The following RBFOX1 variants were observed in gnomAD, a reference collection of about 807,000 sequenced individuals.
RBFOX1 encodes RNA binding fox-1 homolog 1, also known as RNA binding protein fox-1 homolog 1.
Under a neutral mutation model 57.7 loss-of-function variants are expected in RBFOX1, and 8 were observed. That is an observed-to-expected ratio of 0.14 (90% CI 0.08 to 0.25). The LOEUF (loss-of-function observed/expected upper bound fraction) is 0.25, where lower values mean the gene tolerates loss of function less well. Ranked by LOEUF, RBFOX1 falls within the 10% of genes least tolerant of loss-of-function variation. RBFOX1 has a pLI of 1.00. For missense variants in RBFOX1, 611 were observed against 548.5 expected, an observed-to-expected ratio of 1.11 and a Z score of -1.14; for synonymous variants, 326 against 222.4, an observed-to-expected ratio of 1.47 and a Z score of -4.15.
In RBFOX1 at chr16:5,409,821, G is replaced by A. The variant is rs530907286; in HGVS notation, c.220-57395G>A. On this transcript the variant is annotated intron_variant, in intron 1 of 2. Coordinates refer to the RBFOX1 transcript ENST00000585867. ...TCCCAGCACTTTGGGAGGCCGAGGT[G>A]GGCAGATCATGAGGTCAGGAGTTCG... 3.9e-5 allele frequency among the ~76,000 whole-genome samples: 6 copies of A among 152,016 alleles called. No homozygotes were observed. In the East Asian group the frequency reaches 9.7e-4, roughly 25 times the overall value.
intron 4 of RBFOX1, among the ~76,000 whole-genome samples, chr16:7,052,755 A>G (rs1359613781): frequency 3.9e-5 from 6 of 152,142 alleles, no homozygotes; most frequent in Non-Finnish European, 8.8e-5. Context: ...GTCAGAGTGG[A>G]CATTCTTCTT....
intron 2 of RBFOX1, among the ~76,000 whole-genome samples, chr16:6,511,959 G>T (rs193286555): frequency 4.9e-4 from 74 of 152,110 alleles, no homozygotes; most frequent in African/African-American, 1.7e-3. Context: ...GTCTTTCCCT[G>T]AGACTTACCC....
intron 3 of RBFOX1, among the ~76,000 whole-genome samples, chr16:6,976,302 T>C (rs143404135): frequency 9.3e-4 from 141 of 152,268 alleles, no homozygotes; most frequent in Non-Finnish European, 1.2e-3. Flanking sequence ...ACACAGGCAT[T>C]CTGGCTTTAG....
intron 3 of RBFOX1, among the ~76,000 whole-genome samples, chr16:5,657,188 A>G (rs1227258648): frequency 6.6e-6 from 1 of 152,160 alleles, no homozygotes; most frequent in Non-Finnish European, 1.5e-5. Context: ...TCTGGGAATG[A>G]TCTGGTTGAT....
At chr16:7,062,284 C>T (rs1349718896) in intron 4 of RBFOX1, among the ~76,000 whole-genome samples, 1 of 128,676 alleles carries the variant, frequency 7.8e-6, no homozygotes, top group Non-Finnish European at 1.6e-5. Context: ...TGCCACTGCA[C>T]TCCAGTCTGA....
At chr16:7,360,258 A>G (rs141316386) in intron 4 of RBFOX1, among the ~76,000 whole-genome samples, 149 of 152,176 alleles carry the variant, frequency 9.8e-4, no homozygotes, top group Middle Eastern at 6.8e-3. Context: ...TTTTTTCCCA[A>G]TAGCCTAGAA....
chr16:7,458,808 C>T (rs1443626250), intron 4 of RBFOX1, among the ~76,000 whole-genome samples: 1 of 152,160 alleles, frequency 6.6e-6, no homozygotes, highest in East Asian at 1.9e-4. Context: ...ACCCTGTGTT[C>T]CTTTCCTAGC....
rs138960539 is a variant in RBFOX1, at chr16:6,845,169, C to T, written c.-16+190519C>T. On this transcript the variant is annotated intron_variant, in intron 3 of 15. Transcript: ENST00000550418. ...GGTAGTTTCTTTTTCTGCACAGAAG[C>T]TCTTTAGTTTAATTAGATCCCATTT... Among the ~76,000 whole-genome samples the T allele has an allele frequency of 3.9e-3, 592 of 152,224 alleles. 6 individuals are homozygous for T. The highest frequency in any genetic ancestry group is 0.013 in the African/African-American group (533 of 41,536).
chr16:7,319,933 T>C (rs2096515254), intron 4 of RBFOX1, among the ~76,000 whole-genome samples: 1 of 152,166 alleles, frequency 6.6e-6, no homozygotes, highest in Admixed American at 6.6e-5. Flanking sequence ...GTGCTTAGAA[T>C]TGTGTTTGGC....
chr16:6,905,912 A>G (rs937477244), intron 3 of RBFOX1, among the ~76,000 whole-genome samples: 1 of 152,140 alleles, frequency 6.6e-6, no homozygotes, highest in African/African-American at 2.4e-5. Context: ...CTTTCTCTGT[A>G]GTGACATTGA....
At chr16:7,643,076 A>G (rs2063117274) in intron 11 of RBFOX1, among the ~76,000 whole-genome samples, 1 of 152,232 alleles carries the variant, frequency 6.6e-6, no homozygotes, top group South Asian at 2.1e-4. Flanking sequence ...CCTGTGAGGA[A>G]AGATACAACA....
At chr16:6,616,892 T>A (rs1207888796) in intron 2 of RBFOX1, among the ~76,000 whole-genome samples, 1 of 152,176 alleles carries the variant, frequency 6.6e-6, no homozygotes, top group African/African-American at 2.4e-5. Context: ...TAAATTAAGT[T>A]TTATTGGAAC....
intron 3 of RBFOX1, among the ~76,000 whole-genome samples, chr16:5,706,015 A>G (rs551462011): frequency 3.9e-5 from 6 of 152,264 alleles, no homozygotes; most frequent in African/African-American, 1.4e-4. Context: ...GGTTCAAGCA[A>G]TTCTCTTGCG....
chr16:5,821,547 C>T (rs1330375209), intron 3 of RBFOX1, among the ~76,000 whole-genome samples: 1 of 152,124 alleles, frequency 6.6e-6, no homozygotes, highest in Non-Finnish European at 1.5e-5. Context: ...AAGTGATCCT[C>T]CTGCTTTGGC....
rs1382666730 is a variant in RBFOX1, at chr16:7,712,645, G to A, written c.*1900G>A. 3 of 152,368 alleles carry A rather than the reference G, an allele frequency of 2.0e-5. No individual in the cohort carries two copies. The highest frequency in any genetic ancestry group is 4.8e-5 in the African/African-American group (2 of 41,444). 9.4% of individuals were successfully genotyped at this position (152,368 alleles called of 1,614,324 possible). A position where few individuals can be genotyped will look rare whatever the true frequency, so the allele number is the denominator to read the frequency against. On this transcript the variant is annotated 3_prime_UTR_variant, in exon 16 of 16. Transcript: ENST00000550418. Reference sequence around the variant, plus strand: ...TTTGGGTGGGTGAGGGGAGGGGCAAGAGGGTGTTTTATAGCATCACTAAGA... The same window carrying A: ...TTTGGGTGGGTGAGGGGAGGGGCAAAAGGGTGTTTTATAGCATCACTAAGA...
intron 3 of RBFOX1, among the ~76,000 whole-genome samples, chr16:6,805,069 C>T (rs1338676188): frequency 6.6e-6 from 1 of 152,104 alleles, no homozygotes; most frequent in Non-Finnish European, 1.5e-5. Flanking sequence ...ATAAATTATT[C>T]TACCATAAAG....
At chr16:7,420,762 A>G (rs1267079377) in intron 4 of RBFOX1, among the ~76,000 whole-genome samples, 3 of 150,496 alleles carry the variant, frequency 2.0e-5, no homozygotes, top group African/African-American at 7.3e-5. Flanking sequence ...TTTTCTTTAT[A>G]TTGATCTTTT....
intron 1 of RBFOX1, among the ~76,000 whole-genome samples, chr16:6,185,592 T>C (rs1254004931): frequency 6.6e-6 from 1 of 152,214 alleles, no homozygotes; most frequent in Non-Finnish European, 1.5e-5. Flanking sequence ...GTGATCAGCG[T>C]GGGTTTAAGT....
intron 3 of RBFOX1, among the ~76,000 whole-genome samples, chr16:5,849,659 C>A (rs2056843632): frequency 6.6e-6 from 1 of 152,174 alleles, no homozygotes; most frequent in South Asian, 2.1e-4. Flanking sequence ...GGCTGCTCTC[C>A]TGTTGCGTGG....
Sources: allele counts gnomAD v4.1 joint callset (sites outside exome capture counted in the v4.1 genomes callset), GRCh38; gene constraint gnomAD v4.1.1; transcripts MANE v1.5; gene names NCBI Gene and HGNC (gene_info 2026-07-23, HGNC 2026-07-21).